The following PDE4D variants were observed in gnomAD, a reference collection of about 807,000 sequenced individuals.
PDE4D encodes phosphodiesterase 4D, also known as 3',5'-cyclic-AMP phosphodiesterase 4D.
PDE4D carries 24 observed loss-of-function variants against 87.4 expected under a neutral mutation model. The ratio of observed to expected loss-of-function variants is 0.27; its 90% CI spans 0.20 to 0.39. The LOEUF is 0.39. Among genes scored for constraint, PDE4D ranks in the 10% least tolerant of loss-of-function variants. The pLI is 1.00. For synonymous variants in PDE4D, 384 were observed against 383.2 expected (o/e 1.00, Z -0.02); for missense variants, 714 against 1,041.0 (o/e 0.69, Z 4.32).
chr5:59,835,565 C>T (rs911491675), intron 1 of PDE4D, among the ~76,000 whole-genome samples: 6 of 152,082 alleles, frequency 3.9e-5, no homozygotes, highest in African/African-American at 1.4e-4. Flanking sequence ...TCATACACAC[C>T]TGCATACATA....
chr5:60,297,581 G>C (rs1348484098), intron 1 of PDE4D, among the ~76,000 whole-genome samples: 1 of 152,146 alleles, frequency 6.6e-6, no homozygotes, highest in African/African-American at 2.4e-5. Context: ...TCTTCTGGGA[G>C]AAATTTCTTT....
At chr5:59,275,330 A>T in intron 1 of PDE4D, 1 of 1,591,926 alleles carries the variant, frequency 6.3e-7, no homozygotes, top group Non-Finnish European at 8.5e-7. Context: ...GAGAGAAAAG[A>T]ACGTTACCAA....
intron 1 of PDE4D, among the ~76,000 whole-genome samples, chr5:60,468,338 C>G (rs903379339): frequency 1.6e-4 from 24 of 151,952 alleles, no homozygotes; most frequent in African/African-American, 5.5e-4. Flanking sequence ...GGGATTTTAC[C>G]ATGTTGCCCA....
intron 1 of PDE4D, among the ~76,000 whole-genome samples, chr5:59,790,141 C>G (rs1205614043): frequency 1.3e-5 from 2 of 152,120 alleles, no homozygotes; most frequent in African/African-American, 4.8e-5. Flanking sequence ...TTACAGGGGA[C>G]AGTAGTTTAG....
In PDE4D at chr5:60,300,980, A is replaced by G. The variant is rs924326898; in HGVS notation, c.-89-115293T>C. ...GACATGGGGTTTCTCCATGTTGGTC[A>G]GGGTGGTCTCAAACTCCTGACCTCA... On this transcript the variant is annotated intron_variant, in intron 1 of 16. Coordinates refer to the PDE4D transcript ENST00000502484. Among the ~76,000 whole-genome samples the G allele has an allele frequency of 9.9e-5, 15 of 152,242 alleles. No individual in the cohort carries two copies. The East Asian group carries it at 1.2e-3, about 12-fold the overall frequency.
At chr5:58,988,788 T>C (rs1223077222) in intron 10 of PDE4D, among the ~76,000 whole-genome samples, 196 bp from the exon 11 acceptor site, 2 of 152,214 alleles carry the variant, frequency 1.3e-5, no homozygotes, top group Admixed American at 6.5e-5. Flanking sequence ...TTTTATCTAA[T>C]TTTATTACAT....
rs1347055493 is a variant in PDE4D at position 59,189,246 on chromosome 5, TTTTTTTG to T, written c.685-3991_685-3985del. 1.2e-4 allele frequency among the ~76,000 whole-genome samples: 12 copies of T among 96,044 alleles called. 1 individual carries two copies. The highest frequency in any genetic ancestry group is 2.4e-4 in the Admixed American group (2 of 8,320). The allele number at this position is 96,044 out of a possible 152,430, so 63.0% of individuals were successfully genotyped here. A position where few individuals can be genotyped will look rare whatever the true frequency, so the allele number is the denominator to read the frequency against. ...GTTCCTACCCCGTTTTTTTTTTTGT[TTTTTTTG>T]TTTTTTTTTTTTTGAGACGGAGTTT... is the stretch of plus-strand genomic sequence containing the variant. On this transcript the variant is annotated intron_variant, in intron 3 of 14. Coordinates refer to ENST00000340635, the MANE Select transcript of PDE4D (RefSeq NM_001104631.2).
intron 5 of PDE4D, among the ~76,000 whole-genome samples, chr5:59,043,380 G>A (rs1278878047): frequency 3.3e-5 from 5 of 152,056 alleles, no homozygotes; most frequent in Admixed American, 2.0e-4. Context: ...AATACTAGCC[G>A]TGCATGGTGG....
intron 1 of PDE4D, among the ~76,000 whole-genome samples, chr5:59,758,726 A>T (rs1761600522): frequency 6.6e-6 from 1 of 152,160 alleles, no homozygotes; most frequent in South Asian, 2.1e-4. Context: ...CCTATTTATG[A>T]GTCACAGAAT....
chr5:59,850,600 T>C (rs1308940873), intron 1 of PDE4D, among the ~76,000 whole-genome samples: 2 of 151,978 alleles, frequency 1.3e-5, no homozygotes, highest in African/African-American at 4.8e-5. Context: ...AGGTCCAGCA[T>C]GACTGAAATA....
intron 1 of PDE4D, among the ~76,000 whole-genome samples, chr5:59,591,578 C>T (rs1405548501): frequency 1.3e-5 from 2 of 152,010 alleles, no homozygotes; most frequent in Admixed American, 6.6e-5. Flanking sequence ...AAATAAAACT[C>T]CTGTATATTT....
At chr5:60,127,806 G>A in intron 2 of PDE4D, 1 of 450,398 alleles carries the variant, frequency 2.2e-6, no homozygotes, top group Non-Finnish European at 3.9e-6. Flanking sequence ...GACAAATATG[G>A]GCTGAATATA....
chr5:59,134,892 A>G (rs1776811179), intron 5 of PDE4D, among the ~76,000 whole-genome samples: 1 of 152,098 alleles, frequency 6.6e-6, no homozygotes, highest in African/African-American at 2.4e-5. Flanking sequence ...TTTCATCCTC[A>G]TTTTTTGTAC....
At chr5:60,202,772 G>T (rs1267487325) in intron 1 of PDE4D, among the ~76,000 whole-genome samples, 1 of 149,730 alleles carries the variant, frequency 6.7e-6, no homozygotes, top group Non-Finnish European at 1.5e-5. Flanking sequence ...GATGGTACAT[G>T]AAAAGAAAAA....
chr5:59,941,145 G>A (rs78884689), intron 3 of PDE4D, among the ~76,000 whole-genome samples: 9,152 of 152,228 alleles, frequency 0.06, 361 homozygotes, highest in Middle Eastern at 0.14. Flanking sequence ...ACAGTCAGGT[G>A]AGTTAATTTC....
At chr5:60,308,456 C>A (rs970645859) in intron 1 of PDE4D, among the ~76,000 whole-genome samples, 6 of 152,160 alleles carry the variant, frequency 3.9e-5, no homozygotes, top group Non-Finnish European at 7.3e-5. Flanking sequence ...TCTAACGTTG[C>A]TGTAGACATT....
chr5:59,966,699 A>G, intron 3 of PDE4D, among the ~76,000 whole-genome samples: 1 of 152,232 alleles, frequency 6.6e-6, no homozygotes, highest in Middle Eastern at 3.2e-3. Flanking sequence ...AGACTCTAAT[A>G]TAGCATTGTA....
chr5:59,587,039 A>G, intron 1 of PDE4D: 1 of 974,646 alleles, frequency 1.0e-6, no homozygotes, highest in Non-Finnish European at 1.2e-6. Context: ...AAAAGTAGGA[A>G]GGCAATGAGT....
At chr5:59,103,398 G>A (rs1284899708) in intron 5 of PDE4D, among the ~76,000 whole-genome samples, 1 of 152,082 alleles carries the variant, frequency 6.6e-6, no homozygotes, top group East Asian at 1.9e-4. Flanking sequence ...GGCCAGATCT[G>A]GTCCACAGAT....
Sources: allele counts gnomAD v4.1 joint callset (sites outside exome capture counted in the v4.1 genomes callset), GRCh38; gene constraint gnomAD v4.1.1; transcripts MANE v1.5; gene names NCBI Gene and HGNC (gene_info 2026-07-23, HGNC 2026-07-21).